Variants in SRBD1 observed in about 807,000 individuals in gnomAD.
The protein encoded by SRBD1 is S1 RNA-binding domain-containing protein 1.
SRBD1 carries 88 observed loss-of-function variants against 115.3 expected under a neutral mutation model. The observed-to-expected ratio is 0.76, with a 90% CI of 0.64 to 0.91. The LOEUF is 0.91. SRBD1 is among the 40% of genes least tolerant of loss of function. The probability of loss-of-function intolerance (pLI) is 0.00; values close to 1 mark genes in which losing one functional copy is unlikely to be tolerated. For synonymous variants in SRBD1, 509 were observed against 407.7 expected, an observed-to-expected ratio of 1.25 and a Z score of -2.99; for missense variants, 1,385 against 1,177.4, an observed-to-expected ratio of 1.18 and a Z score of -2.58.
At chr2:45,595,924 C>T (rs1315772322) in intron 4 of SRBD1, among the ~76,000 whole-genome samples, 1 of 152,120 alleles carries the variant, frequency 6.6e-6, no homozygotes, top group South Asian at 2.1e-4. Flanking sequence ...AAAACCACTT[C>T]CCAATTCACA....
intron 14 of SRBD1, among the ~76,000 whole-genome samples, chr2:45,497,474 T>C (rs998071368): frequency 3.9e-5 from 6 of 152,180 alleles, no homozygotes; most frequent in Non-Finnish European, 8.8e-5. Context: ...AACTGGAGCC[T>C]ACATCAGAAT....
In SRBD1 at chr2:45,518,298, G is replaced by C. The variant is rs990691020; in HGVS notation, c.1874+28434C>G. Among the ~76,000 whole-genome samples the C allele has an allele frequency of 5.9e-5, 9 of 152,262 alleles. No individual in the cohort carries two copies. The South Asian group carries it at 6.2e-4, about 11-fold the overall frequency. On this transcript the variant is annotated intron_variant, in intron 14 of 20. Coordinates refer to ENST00000263736, the MANE Select transcript of SRBD1 (RefSeq NM_018079.5). Reference sequence around the variant, plus strand: ...AACCAGATATCTGGCTCTGCTGTGCGATACTGCCCCTTCAAAAAGTCTACT... The same window carrying C: ...AACCAGATATCTGGCTCTGCTGTGCCATACTGCCCCTTCAAAAAGTCTACT...
At chr2:45,607,344 G>T (rs1674305330) in intron 1 of SRBD1, among the ~76,000 whole-genome samples, 1 of 151,634 alleles carries the variant, frequency 6.6e-6, no homozygotes, top group Non-Finnish European at 1.5e-5. Context: ...TCCTCTAGAA[G>T]AAAAAAAGGA....
At chr2:45,573,172 C>G in intron 9 of SRBD1, 35 bp downstream of exon 9, 1 of 1,534,804 alleles carries the variant, frequency 6.5e-7, no homozygotes, top group Non-Finnish European at 8.7e-7. Context: ...ATCATTATTA[C>G]GAAATCAGCA....
chr2:45,533,735 A>G (rs1168131990), intron 14 of SRBD1, among the ~76,000 whole-genome samples: 1 of 152,074 alleles, frequency 6.6e-6, no homozygotes, highest in Non-Finnish European at 1.5e-5. Context: ...ATACAATCCC[A>G]AAGTTCATCA....
At chr2:45,544,189 C>T (rs1157505825) in intron 14 of SRBD1, among the ~76,000 whole-genome samples, 5 of 146,210 alleles carry the variant, frequency 3.4e-5, no homozygotes, top group East Asian at 4.0e-4. Context: ...ACCAAGATCG[C>T]GCCACTGCAC....
At chr2:45,505,498 G>C (rs1045091144) in intron 14 of SRBD1, among the ~76,000 whole-genome samples, 1 of 152,192 alleles carries the variant, frequency 6.6e-6, no homozygotes, top group Non-Finnish European at 1.5e-5. Context: ...AATGGCACCT[G>C]TCCGTATCCT....
At chr2:45,474,170 T>C (rs1669735504) in intron 16 of SRBD1, among the ~76,000 whole-genome samples, 1 of 152,254 alleles carries the variant, frequency 6.6e-6, no homozygotes, top group African/African-American at 2.4e-5. Context: ...TTTCTCTCTA[T>C]GAATCTTACT....
rs1231634189 is a variant in SRBD1 at position 45,585,766 on chromosome 2, A to G, written c.657T>C (p.Ser219=). The change falls in exon 5 of 21, where the codon TCT becomes TCC. Residue 219 remains serine, a synonymous_variant. Coordinates refer to ENST00000263736, the MANE Select transcript of SRBD1 (RefSeq NM_018079.5). ...EMNWDMVQVL[S]ERTNIEPWVC... ...CCCAAGGTTCAATATTAGTTCTCTC[A>G]GATAAAACCTGCAAATTAAAGATAC... is the stretch of plus-strand genomic sequence containing the variant. 1.3e-6 allele frequency: 2 copies of G among 1,589,338 alleles called. No homozygotes were observed. The highest frequency in any genetic ancestry group is 1.2e-5 in the South Asian group (1 of 85,878).
chr2:45,451,573 G>A (rs894029420), intron 16 of SRBD1, among the ~76,000 whole-genome samples: 1 of 151,730 alleles, frequency 6.6e-6, no homozygotes, highest in Non-Finnish European at 1.5e-5. Context: ...AAGATCTGCC[G>A]GCATACAGTA....
At chr2:45,546,945 C>G in intron 13 of SRBD1, 106 bp from the exon 14 acceptor site, 1 of 1,079,376 alleles carries the variant, frequency 9.3e-7, no homozygotes. Flanking sequence ...TTCTCTTATT[C>G]TCTCATATAT....
intron 15 of SRBD1, among the ~76,000 whole-genome samples, chr2:45,481,471 G>A (rs745329763): frequency 2.6e-5 from 4 of 152,068 alleles, no homozygotes; most frequent in Non-Finnish European, 4.4e-5. Context: ...CTTAGGGAAC[G>A]TGTACATTTT....
chr2:45,404,060 G>A (rs1173389490), intron 19 of SRBD1, among the ~76,000 whole-genome samples: 1 of 152,098 alleles, frequency 6.6e-6, no homozygotes, highest in Non-Finnish European at 1.5e-5. Flanking sequence ...TACCATAACA[G>A]AGGTAAGAAA....
intron 14 of SRBD1, among the ~76,000 whole-genome samples, chr2:45,541,965 G>A (rs1671955578): frequency 6.6e-6 from 1 of 152,218 alleles, no homozygotes; most frequent in Admixed American, 6.5e-5. Context: ...CTGGCAACCT[G>A]GCCTCCAGAC....
intron 16 of SRBD1, among the ~76,000 whole-genome samples, chr2:45,431,779 A>G (rs978933937): frequency 6.6e-6 from 1 of 151,876 alleles, no homozygotes; most frequent in Non-Finnish European, 1.5e-5. Flanking sequence ...AGTATAATAG[A>G]AAAAAAACAA....
At chr2:45,585,530 T>A in intron 5 of SRBD1, 78 bp downstream of exon 5, 1 of 1,444,086 alleles carries the variant, frequency 6.9e-7, no homozygotes, top group Non-Finnish European at 9.4e-7. Context: ...TTGTCAAATA[T>A]ACCGTCATTC....
At chr2:45,436,459 T>C (rs1310656032) in intron 16 of SRBD1, among the ~76,000 whole-genome samples, 1 of 152,188 alleles carries the variant, frequency 6.6e-6, no homozygotes, top group African/African-American at 2.4e-5. Flanking sequence ...TTAGTCCATT[T>C]TCACACCGCT....
In SRBD1 at chr2:45,534,342, C is replaced by A. The variant is rs75853106; in HGVS notation, c.1874+12390G>T. 5.0e-3 allele frequency among the ~76,000 whole-genome samples: 753 copies of A among 151,990 alleles called. 4 individuals are homozygous for A. The highest frequency in any genetic ancestry group is 7.5e-3 in the Non-Finnish European group (507 of 67,848). On this transcript the variant is annotated intron_variant, in intron 14 of 20. Transcript: ENST00000263736. ...TTATTTTTTAATTTACCTTATATCA[C>A]AAACATCCTAGAAAGGAAACACTAT...
chr2:45,509,109 T>C (rs545649833), intron 14 of SRBD1, among the ~76,000 whole-genome samples: 2 of 152,282 alleles, frequency 1.3e-5, no homozygotes, highest in Admixed American at 1.3e-4. Flanking sequence ...AATGGCTTGT[T>C]CTGAAGCAAC....
Sources: allele counts gnomAD v4.1 joint callset (sites outside exome capture counted in the v4.1 genomes callset), GRCh38; gene constraint gnomAD v4.1.1; transcripts MANE v1.5; gene names NCBI Gene and HGNC (gene_info 2026-07-23, HGNC 2026-07-21).